The following PDE1C variants were observed in gnomAD, a reference collection of about 807,000 sequenced individuals.
PDE1C encodes dual specificity calcium/calmodulin-dependent 3',5'-cyclic nucleotide phosphodiesterase 1C.
In PDE1C, 62 loss-of-function variants were observed where a neutral mutation model predicts 93.1. The observed-to-expected ratio is 0.67, with a 90% CI of 0.54 to 0.82. The LOEUF is 0.82. PDE1C is among the 40% of genes least tolerant of loss of function. The pLI is 0.00. For missense variants in PDE1C, 742 were observed against 884.6 expected (o/e 0.84, Z 2.04); for synonymous variants, 325 against 310.1 (o/e 1.05, Z -0.50).
intron 17 of PDE1C, among the ~76,000 whole-genome samples, chr7:31,760,355 T>A (rs1486141499): frequency 6.6e-6 from 1 of 152,204 alleles, no homozygotes; most frequent in Non-Finnish European, 1.5e-5. Flanking sequence ...TAACCCAGTA[T>A]ACCCTGTTGT....
At chr7:32,322,104 T>C (rs993552771) in intron 1 of PDE1C, among the ~76,000 whole-genome samples, 1 of 152,168 alleles carries the variant, frequency 6.6e-6, no homozygotes, top group African/African-American at 2.4e-5. Context: ...TTATACTCTA[T>C]AAGGAATGTC....
intron 2 of PDE1C, among the ~76,000 whole-genome samples, chr7:32,171,431 C>A (rs999972756): frequency 4.0e-5 from 6 of 150,956 alleles, no homozygotes; most frequent in Non-Finnish European, 8.9e-5. Context: ...AGTAAACATG[C>A]ACAGACTTTT....
At chr7:31,783,628 G>A (rs1317896023) in intron 16 of PDE1C, 4 of 151,398 alleles carry the variant, frequency 2.6e-5, no homozygotes, top group East Asian at 1.9e-4. Context: ...GGACTGTCAG[G>A]CTCATCTGTG....
intron 2 of PDE1C, among the ~76,000 whole-genome samples, chr7:31,997,309 C>T (rs1175828870): frequency 6.6e-6 from 1 of 152,120 alleles, no homozygotes; most frequent in Non-Finnish European, 1.5e-5. Context: ...AATGAGATGG[C>T]ACAGGTAAAG....
chr7:32,327,612 C>A (rs926833382), intron 1 of PDE1C, among the ~76,000 whole-genome samples: 1 of 151,966 alleles, frequency 6.6e-6, no homozygotes, highest in Non-Finnish European at 1.5e-5. Context: ...ACTAAAAATA[C>A]AAAAATTAGC....
At chr7:31,842,621 T>C (rs753453647) in intron 9 of PDE1C, among the ~76,000 whole-genome samples, 1 of 152,118 alleles carries the variant, frequency 6.6e-6, no homozygotes, top group Non-Finnish European at 1.5e-5. Flanking sequence ...GTATAGGATA[T>C]ACTGTTGGTA....
chr7:32,159,728 G>T (rs1266641115), intron 3 of PDE1C, among the ~76,000 whole-genome samples: 1 of 152,164 alleles, frequency 6.6e-6, no homozygotes, highest in Non-Finnish European at 1.5e-5. Flanking sequence ...CAGAGCAGAA[G>T]AGGCAAGGGT....
intron 1 of PDE1C, among the ~76,000 whole-genome samples, chr7:32,388,678 TAAAAAAAAAAAAAAAAAAA>T: frequency 1.2e-5 from 1 of 81,578 alleles, no homozygotes; most frequent in East Asian, 3.8e-4. Context: ...GTCCCATTTC[TAAAAAAAAAAAAAAAAAAA>T]AAAAAAATTA....
chr7:31,695,691 C>T, the PDE1C span: 1 of 1,456,292 alleles, frequency 6.9e-7, no homozygotes, highest in African/African-American at 1.4e-5. Flanking sequence ...TGTTCGTACA[C>T]ATTTTTCCTT....
intron 2 of PDE1C, among the ~76,000 whole-genome samples, chr7:31,897,268 A>C (rs1799430429): frequency 1.3e-5 from 2 of 152,222 alleles, no homozygotes; most frequent in South Asian, 4.1e-4. Flanking sequence ...ACTTGACATG[A>C]AGTGATGATT....
chr7:31,731,369 T>C, the PDE1C span, among the ~76,000 whole-genome samples: 19 of 150,284 alleles, frequency 1.3e-4, no homozygotes, highest in East Asian at 1.4e-3. Context: ...AAGTACAACA[T>C]TGGGGTGAAA....
At chr7:31,999,403 G>A (rs142642702) in intron 2 of PDE1C, among the ~76,000 whole-genome samples, 78 of 152,200 alleles carry the variant, frequency 5.1e-4, no homozygotes, top group African/African-American at 1.3e-3. Flanking sequence ...TTACAACTCC[G>A]TTCAAACACC....
At chr7:31,968,902 T>A (rs1037438957) in intron 2 of PDE1C, among the ~76,000 whole-genome samples, 1 of 152,158 alleles carries the variant, frequency 6.6e-6, no homozygotes, top group African/African-American at 2.4e-5. Flanking sequence ...ATTTAATAAA[T>A]CATTCTGGGA....
intron 17 of PDE1C, among the ~76,000 whole-genome samples, chr7:31,757,573 A>C (rs1272149515): frequency 6.6e-6 from 1 of 152,206 alleles, no homozygotes; most frequent in Non-Finnish European, 1.5e-5. Context: ...CCATCAGAGA[A>C]ATGCAAATCA....
intron 1 of PDE1C, among the ~76,000 whole-genome samples, chr7:32,376,460 G>A (rs1008025280): frequency 3.9e-5 from 6 of 152,206 alleles, no homozygotes; most frequent in African/African-American, 1.4e-4. Flanking sequence ...ATTGCTGGCA[G>A]GGTCAGTTAA....
the PDE1C span, among the ~76,000 whole-genome samples, chr7:31,720,104 A>G: frequency 1.1e-3 from 141 of 134,222 alleles, 1 homozygote; most frequent in African/African-American, 3.7e-3. Flanking sequence ...CGGAGCTTGC[A>G]GTGAGCCGAG....
chr7:32,157,985 T>A (rs1391982740), intron 3 of PDE1C, among the ~76,000 whole-genome samples: 2 of 152,112 alleles, frequency 1.3e-5, no homozygotes, highest in African/African-American at 2.4e-5. Flanking sequence ...CCGGGGAAAT[T>A]TAACAACTAA....
At chr7:31,961,187 G>A (rs1296374502) in intron 2 of PDE1C, among the ~76,000 whole-genome samples, 1 of 151,556 alleles carries the variant, frequency 6.6e-6, no homozygotes, top group Non-Finnish European at 1.5e-5. Flanking sequence ...AAATCTTCCA[G>A]TAGAAAACAA....
intron 1 of PDE1C, among the ~76,000 whole-genome samples, chr7:32,271,009 G>A (rs2128886344): frequency 6.6e-6 from 1 of 152,220 alleles, no homozygotes; most frequent in East Asian, 1.9e-4. Context: ...ATGGTGACGG[G>A]AGCCTGTAAT....
Sources: gnomAD v4.1 joint callset for allele counts (sites outside exome capture counted in the v4.1 genomes callset) on GRCh38, gnomAD v4.1.1 for gene constraint, MANE v1.5 for transcripts, NCBI Gene and HGNC (gene_info 2026-07-23, HGNC 2026-07-21) for gene names.